Variants in CENPF observed in about 807,000 individuals in gnomAD.
CENPF encodes centromere protein F, also known as AH antigen.
CENPF carries 214 observed loss-of-function variants against 307.3 expected under a neutral mutation model. The ratio of observed to expected loss-of-function variants is 0.70; its 90% confidence interval spans 0.62 to 0.78. CENPF has a LOEUF of 0.78. Among genes scored for constraint, CENPF ranks in the 30% least tolerant of loss-of-function variants. The pLI is 0.00. For missense variants in CENPF, 3,401 were observed against 3,483.9 expected (o/e 0.98, Z 0.60); for synonymous variants, 1,259 against 1,270.6 (o/e 0.99, Z 0.19).
At chr1:214,656,056 G>C (rs74140300) in intron 17 of CENPF, among the ~76,000 whole-genome samples, 6,190 of 152,248 alleles carry the variant, frequency 0.041, 379 homozygotes, top group African/African-American at 0.14. Flanking sequence ...ATTGGCTTTG[G>C]TAATTTATAA....
At position 214,642,655 on chromosome 1, in the gene CENPF, T is replaced by C. The variant is rs961201062; in HGVS notation, c.4317T>C (p.Val1439=). The change falls in exon 12 of 20, where the codon GTT becomes GTC. Residue 1439 remains valine, a synonymous_variant. Coordinates refer to ENST00000366955, the MANE Select transcript of CENPF (RefSeq NM_016343.4). ...SSKMSELQTY[V]DSLKAENLVL... is the part of the protein sequence containing the mutation. Reference sequence around the variant, plus strand: ...AAATGTCAGAGCTGCAGACCTATGTTGACTCATTAAAGGCCGAAAATTTGG... The same window carrying C: ...AAATGTCAGAGCTGCAGACCTATGTCGACTCATTAAAGGCCGAAAATTTGG... 3 of 1,614,004 alleles carry C rather than the reference T, an allele frequency of 1.9e-6. No individual in the cohort carries two copies. In the African/African-American group the frequency reaches 4.0e-5, roughly 22 times the overall value.
intron 9 of CENPF, among the ~76,000 whole-genome samples, 168 bp from the exon 10 acceptor site, chr1:214,632,312 A>T (rs1657830289): frequency 6.6e-6 from 1 of 152,230 alleles, no homozygotes; most frequent in Non-Finnish European, 1.5e-5. Context: ...TCGCAAGGTC[A>T]CATTATGGTA....
Position 214,642,180 on chromosome 1 carries a change from C to A in CENPF, c.3842C>A (p.Thr1281Lys). 1 of 1,614,126 alleles carries A rather than the reference C, an allele frequency of 6.2e-7. No individual in the cohort carries two copies. Among genetic ancestry groups the A allele is most frequent in the East Asian group, 2.2e-5 (1 of 44,864 alleles). ...KYISGPHELSTSQNDNAHLQC... is the reference protein window; with the variant it reads ...KYISGPHELSKSQNDNAHLQC... ...ATTTCAGGGCCTCATGAGTTGTCAA[C>A]AAGTCAAAACGACAATGCACACCTT... is the stretch of plus-strand genomic sequence containing the variant. The change falls in exon 12 of 20, where the codon ACA (threonine) becomes AAA (lysine). Residue 1281 changes from threonine (T) to lysine (K), a missense_variant. Thr to Lys is a moderately conservative substitution (Grantham distance 78). Coordinates refer to ENST00000366955, the MANE Select transcript of CENPF (RefSeq NM_016343.4).
intron 7 of CENPF, among the ~76,000 whole-genome samples, chr1:214,622,934 G>A (rs112459005): frequency 0.017 from 2,508 of 146,678 alleles, 274 homozygotes; most frequent in African/African-American, 0.065. Flanking sequence ...GAAAAAGGCC[G>A]GGCACCTGTG....
chr1:214,650,763 C>T (rs1343331205), intron 14 of CENPF, among the ~76,000 whole-genome samples: 4 of 151,908 alleles, frequency 2.6e-5, no homozygotes, highest in African/African-American at 7.3e-5. Flanking sequence ...ATTAGCCAGA[C>T]GTGGTGGCAC....
intron 3 of CENPF, among the ~76,000 whole-genome samples, chr1:214,616,861 CTTTCTTTCTTTCT>C (rs1657359921): frequency 4.1e-5 from 2 of 48,830 alleles, no homozygotes; most frequent in East Asian, 1.1e-3. Context: ...TTCTTTCTTT[CTTTCTTTCTTTCT>C]TTCTTTCTTT....
Position 214,622,105 on chromosome 1 carries a change from G to A in CENPF, c.892G>A (p.Glu298Lys), listed in dbSNP as rs749662088. ...QELRNKINEL[E>K]LRLQGHEKEM... ...GCTAAGAAACAAGATTAATGAGTTG[G>A]AACTACGCCTGCAAGGACATGAAAA... Residue 298 changes from glutamate (E) to lysine (K), a missense_variant, in exon 7 of 20, where the codon GAA (glutamate) becomes AAA (lysine). Coordinates refer to ENST00000366955, the MANE Select transcript of CENPF (RefSeq NM_016343.4). 6.2e-7 allele frequency: 1 copy of A among 1,613,872 alleles called. No homozygotes were observed.
rs1446065660 is a variant in CENPF, at chr1:214,659,158, A to C, written c.9141+130A>C. ...AAGTCTGACCTTCTTGGTGTGGTGT[A>C]AGTCAGTCAGTAGTGAGCAAGTGAC... is the stretch of plus-strand genomic sequence containing the variant. On this transcript the variant is annotated intron_variant, in intron 19 of 19. Coordinates refer to ENST00000366955, the MANE Select transcript of CENPF (RefSeq NM_016343.4). This position sits in a 1 kb window ranked among gnomAD's most constrained non-coding sequence, Gnocchi z 4.4. 6.7e-6 allele frequency: 6 copies of C among 889,260 alleles called. No individual in the cohort carries two copies. Among genetic ancestry groups the C allele is most frequent in the Non-Finnish European group, 1.0e-5 (6 of 583,782 alleles). 55.1% of individuals were successfully genotyped at this position (889,260 alleles called of 1,614,324 possible).
chr1:214,657,107 A>G lies in CENPF; in HGVS notation c.8660A>G (p.His2887Arg). The G allele has an allele frequency of 2.5e-6, 4 of 1,614,206 alleles. No individual in the cohort carries two copies. Among genetic ancestry groups the G allele is most frequent in the Non-Finnish European group, 3.4e-6 (4 of 1,180,010 alleles). Residue 2887 changes from histidine to arginine, a missense_variant, in exon 18 of 20, where the codon CAT (histidine) becomes CGT (arginine). His to Arg is a conservative substitution (Grantham distance 29). Transcript: ENST00000366955. Reference sequence around the variant, plus strand: ...GAGATGTTAGAGACACAAGTGGCCCATCTGTGTTCACAGCAATCTAAACAA... The same window carrying G: ...GAGATGTTAGAGACACAAGTGGCCCGTCTGTGTTCACAGCAATCTAAACAA... ...AKEMLETQVA[H>R]LCSQQSKQDS...
Position 214,614,886 on chromosome 1 carries a change from A to C in CENPF, c.217A>C (p.Met73Leu). 6.2e-7 allele frequency: 1 copy of C among 1,608,786 alleles called. No individual in the cohort carries two copies. The highest frequency in any genetic ancestry group is 1.3e-5 in the African/African-American group (1 of 74,798). The change falls in exon 3 of 20, where the codon ATG becomes CTG. Residue 73 changes from methionine (M) to leucine (L), a missense_variant. Met to Leu is a conservative substitution (Grantham distance 15, BLOSUM62 2). Coordinates refer to ENST00000366955, the MANE Select transcript of CENPF (RefSeq NM_016343.4). ...TNLKRENQRL[M>L]EICESLEKTK... ...CCTGAAAAGGGAGAATCAAAGATTG[A>C]TGGAAATATGTGAAAGTCTGGAGAA...
Position 214,663,885 on chromosome 1 carries a change from T to C in CENPF, c.*91T>C. The C allele has an allele frequency of 2.1e-6, 2 of 966,562 alleles. No homozygotes were observed. Among genetic ancestry groups the C allele is most frequent in the Admixed American group, 2.6e-5 (1 of 38,918 alleles). 59.9% of individuals were successfully genotyped at this position (966,562 alleles called of 1,614,324 possible). On this transcript the variant is annotated 3_prime_UTR_variant, in exon 20 of 20. Coordinates refer to ENST00000366955, the MANE Select transcript of CENPF (RefSeq NM_016343.4). ...GGACTTCTCTTTAGTCAGGGCATGC[T>C]TTATTAGTGAGGAGAAAACAATTCC...
At chr1:214,608,430 G>A (rs1304269141) in intron 1 of CENPF, 129 of 1,613,272 alleles carry the variant, frequency 8.0e-5, no homozygotes, top group Middle Eastern at 1.7e-4. Context: ...TGCAATGGAG[G>A]CGGGAGCCCA....
chr1:214,657,416 C>G lies in CENPF; in HGVS notation c.8962+7C>G. ...CCAGAAGTTGTAAAGAAAGGTATGC[C>G]TAATTTAAAGACAAAATTATTTGTG... On this transcript the variant is annotated splice_region_variant and intron_variant, in intron 18 of 19. Transcript: ENST00000366955. 4 of 1,567,188 alleles carry G rather than the reference C, an allele frequency of 2.6e-6. No homozygotes were observed. Among genetic ancestry groups the G allele is most frequent in the Non-Finnish European group, 3.5e-6 (4 of 1,151,018 alleles).
intron 7 of CENPF, among the ~76,000 whole-genome samples, chr1:214,622,753 A>G (rs1272559114): frequency 4.2e-5 from 5 of 118,978 alleles, no homozygotes; most frequent in South Asian, 2.9e-4. Context: ...AAGATCGTAT[A>G]TATAGTTGGT....
At chr1:214,651,463 C>T (rs1658458487) in intron 14 of CENPF, among the ~76,000 whole-genome samples, 1 of 152,120 alleles carries the variant, frequency 6.6e-6, no homozygotes, top group Admixed American at 6.5e-5. Flanking sequence ...TTCAAGGTTT[C>T]AGAGTTTCTG....
At position 214,616,245 on chromosome 1, in the gene CENPF, GT is replaced by G. The variant is rs559536836; in HGVS notation, c.359+1220del. ...GAAAATAATAGCAGGGTATACTTTT[GT>G]TTAAGTAATAAATAACTTTGTTTAA... is the stretch of plus-strand genomic sequence containing the variant. On this transcript the variant is annotated intron_variant, in intron 3 of 19. Transcript: ENST00000366955. 1.1e-4 allele frequency among the ~76,000 whole-genome samples: 17 copies of G among 152,214 alleles called. No homozygotes were observed. The South Asian group carries it at 3.3e-3, about 30-fold the overall frequency.
chr1:214,649,321 T>G (rs1658400379), intron 14 of CENPF, among the ~76,000 whole-genome samples: 1 of 152,188 alleles, frequency 6.6e-6, no homozygotes, highest in Non-Finnish European at 1.5e-5. Flanking sequence ...CCATAGTAGA[T>G]ATTACTAATT....
At chr1:214,629,293 C>G in intron 8 of CENPF, 122 bp downstream of exon 8, 1 of 919,416 alleles carries the variant, frequency 1.1e-6, no homozygotes. Flanking sequence ...AGGAGAAATG[C>G]TTTGTGAGCT....
Position 214,641,239 on chromosome 1 carries a change from G to A in CENPF, c.2901G>A (p.Arg967=), listed in dbSNP as rs3795520. The change falls in exon 12 of 20, where the codon AGG becomes AGA. Residue 967 remains arginine, a synonymous_variant. Coordinates refer to ENST00000366955, the MANE Select transcript of CENPF (RefSeq NM_016343.4). ...GTTCCATCATTTCTCTAAATAAAAG[G>A]GAAATTGAAGAGCTGACCCAAGAGA... ...EMSSIISLNK[R]EIEELTQENG... 99,789 of 1,601,404 alleles carry A rather than the reference G, an allele frequency of 0.062. 4,000 individuals carry two copies. Among genetic ancestry groups the A allele is most frequent in the South Asian group, 0.14 (12,626 of 87,800 alleles).
Sources: allele counts gnomAD v4.1 joint callset (sites outside exome capture counted in the v4.1 genomes callset), GRCh38; gene constraint gnomAD v4.1.1; non-coding constraint Gnocchi (gnomAD v3.1); transcripts MANE v1.5; gene names NCBI Gene and HGNC (gene_info 2026-07-23, HGNC 2026-07-21).